The following NSUN6 variants were observed in gnomAD, a reference collection of about 807,000 sequenced individuals.
NSUN6 encodes the protein tRNA (cytosine(72)-C(5))-methyltransferase NSUN6.
A neutral mutation model predicts 58.0 loss-of-function variants in NSUN6; 64 were observed. The observed-to-expected ratio is 1.10, with a 90% CI of 0.90 to 1.36. The LOEUF is 1.36. Ranked by LOEUF, NSUN6 falls within the 40% of genes most tolerant of loss-of-function variation. NSUN6 has a pLI of 0.00. For missense variants in NSUN6, 701 were observed against 550.1 expected, an observed-to-expected ratio of 1.27 and a Z score of -2.74; for synonymous variants, 231 against 193.9, an observed-to-expected ratio of 1.19 and a Z score of -1.59.
intron 3 of NSUN6, among the ~76,000 whole-genome samples, chr10:18,622,507 A>T (rs144405423): frequency 6.6e-6 from 1 of 152,214 alleles, no homozygotes; most frequent in Admixed American, 6.5e-5. Flanking sequence ...TGAGGTCAGG[A>T]GTTCGAGACC....
chr10:18,562,781 A>G lies in NSUN6; in HGVS notation c.923-10810T>C, dbSNP rs201268049. Among the ~76,000 whole-genome samples, 9 of 32,918 alleles carry G rather than the reference A, an allele frequency of 2.7e-4. No homozygotes were observed. The East Asian group carries it at 9.3e-3, about 34-fold the overall frequency. 21.6% of individuals were successfully genotyped at this position (32,918 alleles called of 152,430 possible). On this transcript the variant is annotated intron_variant, in intron 8 of 10. Transcript: ENST00000377304. The stretch of plus-strand genomic sequence containing the variant: ...AATGGACAATGGAATGGAATGGATA[A>G]TGGAATGGAATGGAGTGGAGAATGG...
intron 6 of NSUN6, among the ~76,000 whole-genome samples, chr10:18,599,867 C>G (rs555203213): frequency 1.3e-5 from 2 of 152,046 alleles, no homozygotes; most frequent in African/African-American, 4.8e-5. Flanking sequence ...AACTGTCAAC[C>G]CTTTATTAGA....
At chr10:18,558,834 A>G (rs1036177824) in intron 8 of NSUN6, among the ~76,000 whole-genome samples, 1 of 151,214 alleles carries the variant, frequency 6.6e-6, no homozygotes, top group Non-Finnish European at 1.5e-5. Context: ...TGAAAAATGG[A>G]AAAGAATGGA....
At chr10:18,638,158 G>A (rs528268440) in intron 3 of NSUN6, among the ~76,000 whole-genome samples, 2 of 152,084 alleles carry the variant, frequency 1.3e-5, no homozygotes, top group Non-Finnish European at 2.9e-5. Flanking sequence ...AATGGCAAAA[G>A]TTGGCCAGGT....
At chr10:18,614,700 A>AGAGGC (rs2058350608) in intron 4 of NSUN6, 87 bp from the exon 5 acceptor site, 1 of 559,162 alleles carries the variant, frequency 1.8e-6, no homozygotes, top group African/African-American at 1.9e-5. Context: ...GGTGATCTCT[A>AGAGGC]GAGGCATCAA....
chr10:18,550,256 C>G (rs2054518694), intron 9 of NSUN6, among the ~76,000 whole-genome samples: 1 of 152,166 alleles, frequency 6.6e-6, no homozygotes, highest in African/African-American at 2.4e-5. Flanking sequence ...TCGGCTGTAA[C>G]TAAAGTTTCC....
Position 18,573,517 on chromosome 10 carries a change from GTTCTCCA to G in NSUN6, c.922+12425_922+12431del, listed in dbSNP as rs199765754. Among the ~76,000 whole-genome samples the G allele has an allele frequency of 7.5e-5, 11 of 147,548 alleles. No homozygotes were observed. In the East Asian group the frequency reaches 2.0e-3, roughly 27 times the overall value. ...ACCATTCTACGTTCCATTCCATTCC[GTTCTCCA>G]TTCTCCATTCCCTTCTCCCACAGTC... On this transcript the variant is annotated intron_variant, in intron 8 of 10. Transcript: ENST00000377304.
intron 3 of NSUN6, among the ~76,000 whole-genome samples, chr10:18,630,879 G>A (rs1210721034): frequency 6.6e-6 from 1 of 151,974 alleles, no homozygotes; most frequent in Non-Finnish European, 1.5e-5. Context: ...TAGAAAAAGA[G>A]GGAATCCTCC....
At chr10:18,560,274 T>C (rs761273264) in intron 8 of NSUN6, among the ~76,000 whole-genome samples, 6 of 148,080 alleles carry the variant, frequency 4.1e-5, no homozygotes, top group African/African-American at 1.2e-4. Flanking sequence ...GGCAATGGAA[T>C]AGAGAATGGT....
At chr10:18,561,851 C>A (rs1439694142) in intron 8 of NSUN6, among the ~76,000 whole-genome samples, 3 of 137,020 alleles carry the variant, frequency 2.2e-5, no homozygotes, top group Admixed American at 7.6e-5. Context: ...TAGAATGAAA[C>A]GTAATGCAGG....
At chr10:18,610,868 C>T (rs769733001) in intron 5 of NSUN6, among the ~76,000 whole-genome samples, 6 of 151,996 alleles carry the variant, frequency 3.9e-5, no homozygotes, top group Non-Finnish European at 7.4e-5. Flanking sequence ...GGGATTAGGA[C>T]GGCACAGAAA....
chr10:18,563,211 T>G (rs1269319126), intron 8 of NSUN6, among the ~76,000 whole-genome samples: 3 of 141,760 alleles, frequency 2.1e-5, no homozygotes, highest in African/African-American at 5.5e-5. Context: ...GAGAATGGTA[T>G]GGAATGGAAT....
chr10:18,635,482 A>C (rs756869536), intron 3 of NSUN6, among the ~76,000 whole-genome samples: 3 of 152,178 alleles, frequency 2.0e-5, no homozygotes, highest in Non-Finnish European at 4.4e-5. Context: ...GTAAGAAAAA[A>C]TATTCAAAGA....
chr10:18,634,202 C>T (rs2059134720), intron 3 of NSUN6, among the ~76,000 whole-genome samples: 1 of 152,032 alleles, frequency 6.6e-6, no homozygotes, highest in Non-Finnish European at 1.5e-5. Context: ...TCTGTATTTT[C>T]AGAGAAATTA....
intron 8 of NSUN6, among the ~76,000 whole-genome samples, chr10:18,585,008 AAAGAG>A (rs2057066828): frequency 1.3e-5 from 2 of 149,136 alleles, no homozygotes; most frequent in Admixed American, 6.6e-5. Flanking sequence ...AAAAAAAAAA[AAAGAG>A]AGAGAAGGAC....
chr10:18,639,245 A>G (rs2059320723), intron 3 of NSUN6, among the ~76,000 whole-genome samples: 1 of 152,226 alleles, frequency 6.6e-6, no homozygotes, highest in Non-Finnish European at 1.5e-5. Flanking sequence ...CTGTAATCCC[A>G]GCACTTTGGG....
chr10:18,620,435 A>G (rs2058565929), intron 3 of NSUN6, among the ~76,000 whole-genome samples: 1 of 152,172 alleles, frequency 6.6e-6, no homozygotes, highest in Non-Finnish European at 1.5e-5. Flanking sequence ...ATTCCTTGGT[A>G]CAAAAAAATC....
intron 6 of NSUN6, among the ~76,000 whole-genome samples, chr10:18,608,493 A>T (rs4606373): frequency 0.52 from 79,119 of 151,664 alleles, 21,326 homozygotes; most frequent in East Asian, 0.98. Context: ...AAAAATTAGC[A>T]GGGTGCGGTG....
chr10:18,575,920 C>T (rs1415926825), intron 8 of NSUN6, among the ~76,000 whole-genome samples: 1 of 152,060 alleles, frequency 6.6e-6, no homozygotes, highest in Non-Finnish European at 1.5e-5. Flanking sequence ...GTTCCGGGTG[C>T]ATCAAGATCA....
Sources: gnomAD v4.1 joint callset for allele counts (sites outside exome capture counted in the v4.1 genomes callset) on GRCh38, gnomAD v4.1.1 for gene constraint, MANE v1.5 for transcripts, NCBI Gene and HGNC (gene_info 2026-07-23, HGNC 2026-07-21) for gene names.